The following SPATA6L variants were observed in gnomAD, a reference collection of about 807,000 sequenced individuals.
SPATA6L encodes spermatogenesis associated 6-like protein.
A neutral mutation model predicts 49.2 loss-of-function variants in SPATA6L; 68 were observed. That is an observed-to-expected ratio of 1.38 (90% CI 1.14 to 1.69). The LOEUF (loss-of-function observed/expected upper bound fraction) is 1.69, where lower values mean the gene tolerates loss of function less well. SPATA6L is among the 40% of genes most tolerant of loss of function. The pLI, the probability that SPATA6L is intolerant of heterozygous loss-of-function variation, is 0.00. For synonymous variants in SPATA6L, 198 were observed against 165.7 expected (o/e 1.19, Z -1.50); for missense variants, 668 against 464.3 (o/e 1.44, Z -4.03).
At chr9:4,605,934 G>A (rs1824730393) in intron 9 of SPATA6L, among the ~76,000 whole-genome samples, 1 of 152,312 alleles carries the variant, frequency 6.6e-6, no homozygotes, top group African/African-American at 2.4e-5. Flanking sequence ...CAGACAGTGG[G>A]CGCAGGCCAG....
intron 9 of SPATA6L, among the ~76,000 whole-genome samples, chr9:4,615,355 C>A (rs776975655): frequency 1.6e-4 from 24 of 152,148 alleles, no homozygotes; most frequent in Admixed American, 1.3e-4. Flanking sequence ...CCATTGCTGG[C>A]CTAGCAGATT....
chr9:4,597,469 G>A (rs1822374702), downstream of SPATA6L, among the ~76,000 whole-genome samples: 1 of 152,040 alleles, frequency 6.6e-6, no homozygotes, highest in South Asian at 2.1e-4. Context: ...TCATTTTGTT[G>A]AAGAAGCTCC....
Position 4,635,210 on chromosome 9 carries a change from A to G in SPATA6L, c.351+65T>C, listed in dbSNP as rs552247728. ...AGATAAAGATCAAACCCTGTCAGGA[A>G]TAAAACGTTCAGGTCCCAAGAGTTT... On this transcript the variant is annotated intron_variant, in intron 4 of 11. Transcript: ENST00000682582. 3.5e-5 allele frequency: 50 copies of G among 1,440,458 alleles called. 1 individual carries two copies. In the South Asian group the frequency reaches 7.7e-4, roughly 22 times the overall value. 89.2% of individuals were successfully genotyped at this position (1,440,458 alleles called of 1,614,324 possible).
Position 4,605,333 on chromosome 9 carries a change from T to A in SPATA6L, c.1089+14A>T, listed in dbSNP as rs777185175. On this transcript the variant is annotated intron_variant, in intron 10 of 11. Transcript: ENST00000682582. ...TTTAGTGAGCAAAGATCTAGTTTTA[T>A]AAGAAAGTCTAACCTTGTTTTGGTG... The A allele has an allele frequency of 3.7e-6, 6 of 1,602,968 alleles. No individual in the cohort carries two copies. The highest frequency in any genetic ancestry group is 4.3e-6 in the Non-Finnish European group (5 of 1,169,848).
At chr9:4,645,672 T>G (rs1835218424) in intron 3 of SPATA6L, among the ~76,000 whole-genome samples, 1 of 152,250 alleles carries the variant, frequency 6.6e-6, no homozygotes, top group Admixed American at 6.5e-5. Flanking sequence ...AAAAAGGAAT[T>G]AAAATCTGAT....
In SPATA6L at chr9:4,613,595, T is replaced by C. The variant is rs532718051; in HGVS notation, c.995+4328A>G. 1.7e-4 allele frequency among the ~76,000 whole-genome samples: 26 copies of C among 152,286 alleles called. 1 individual carries two copies. The South Asian group carries it at 5.2e-3, about 30-fold the overall frequency. ...TTTCTATTCTTCTCTAAGAACTTTT[T>C]TTTTTTGACCCAGAGTCTCATTCTG... On this transcript the variant is annotated intron_variant, in intron 9 of 11. Transcript: ENST00000682582.
At position 4,662,470 on chromosome 9, in the gene SPATA6L, G is replaced by T. The variant is rs908034218; in HGVS notation, c.40-434C>A. 5 of 1,549,272 alleles carry T rather than the reference G, an allele frequency of 3.2e-6. No homozygotes were observed. The African/African-American group carries it at 6.8e-5, about 21-fold the overall frequency. ...CCCGGCAGCCCAGCCCATGGCGGCG[G>T]TGGCGGCGGCAGCAGGTTTGAGTTC... On this transcript the variant is annotated intron_variant, in intron 1 of 11. Transcript: ENST00000682582. The surrounding 1 kb of genome is among the most constrained non-coding windows in gnomAD (Gnocchi z 4.9).
Position 4,617,952 on chromosome 9 carries a change from G to A in SPATA6L, c.966C>T (p.Gly322=). 1.2e-6 allele frequency: 2 copies of A among 1,613,854 alleles called. No homozygotes were observed. Among genetic ancestry groups the A allele is most frequent in the Non-Finnish European group, 1.7e-6 (2 of 1,179,884 alleles). ...CTCTGAGAAGGGGCTGATCCAAGGG[G>A]CCAGGAGAGGTGGAATGCTGGTAGG... ...FATYQHSTSP[G]PLDQPLLRER... The change falls in exon 9 of 12, where the codon GGC becomes GGT. Residue 322 remains glycine (G), a synonymous_variant. Coordinates refer to ENST00000682582, the MANE Select transcript of SPATA6L (RefSeq NM_001353486.2).
rs1255652543 is a variant in SPATA6L, at chr9:4,646,246, A to C, written c.226+9795T>G. ...TAGATAAAGTTATTAAAAAATGGAAAGACAAGGAGTCTGTTTAAGTTATGC... is the reference window on the plus strand; with the variant it reads ...TAGATAAAGTTATTAAAAAATGGAACGACAAGGAGTCTGTTTAAGTTATGC... On this transcript the variant is annotated intron_variant, in intron 3 of 11. Coordinates refer to ENST00000682582, the MANE Select transcript of SPATA6L (RefSeq NM_001353486.2). The C allele has an allele frequency of 1.2e-5, 4 of 321,636 alleles. No individual in the cohort carries two copies. In the Admixed American group the frequency reaches 1.9e-4, roughly 15 times the overall value. 19.9% of individuals were successfully genotyped at this position (321,636 alleles called of 1,614,324 possible). A position where few individuals can be genotyped will look rare whatever the true frequency, so the allele number is the denominator to read the frequency against.
At chr9:4,654,015 A>G (rs997835863) in intron 3 of SPATA6L, among the ~76,000 whole-genome samples, 2 of 152,190 alleles carry the variant, frequency 1.3e-5, no homozygotes, top group African/African-American at 4.8e-5. Flanking sequence ...CCCCCAAAGA[A>G]AATACACAAA....
At chr9:4,649,678 TA>T (rs1159279271) in intron 3 of SPATA6L, among the ~76,000 whole-genome samples, 1 of 152,198 alleles carries the variant, frequency 6.6e-6, no homozygotes, top group Non-Finnish European at 1.5e-5. Context: ...GGATGCTTGA[TA>T]AAATAACTAC....
chr9:4,608,779 A>C (rs1019530908), intron 9 of SPATA6L, among the ~76,000 whole-genome samples: 11 of 152,126 alleles, frequency 7.2e-5, no homozygotes, highest in African/African-American at 2.2e-4. Flanking sequence ...AGCAGAAGGC[A>C]AGAAATAACT....
chr9:4,589,470 G>T (rs1462428371), intron 13 of SPATA6L, among the ~76,000 whole-genome samples: 3 of 152,230 alleles, frequency 2.0e-5, no homozygotes, highest in Non-Finnish European at 2.9e-5. Context: ...AACCTAGTGA[G>T]ACTTCGTAAA....
intron 11 of SPATA6L, among the ~76,000 whole-genome samples, chr9:4,602,235 T>C (rs1234655355): frequency 6.6e-6 from 1 of 151,932 alleles, no homozygotes; most frequent in Non-Finnish European, 1.5e-5. Flanking sequence ...ATATTACCCA[T>C]GTTGAAATTC....
At chr9:4,633,547 C>T (rs758616097) in intron 4 of SPATA6L, 37 of 191,244 alleles carry the variant, frequency 1.9e-4, no homozygotes, top group Admixed American at 9.9e-5. Flanking sequence ...AACCAAAGCA[C>T]CCAAGATTCA....
At chr9:4,634,151 C>T (rs963223877) in intron 4 of SPATA6L, among the ~76,000 whole-genome samples, 5 of 152,210 alleles carry the variant, frequency 3.3e-5, no homozygotes, top group Non-Finnish European at 7.4e-5. Context: ...TTTGTAGATG[C>T]CTTTTCTTTA....
intron 3 of SPATA6L, among the ~76,000 whole-genome samples, chr9:4,648,999 C>T (rs1836160511): frequency 6.6e-6 from 1 of 151,900 alleles, no homozygotes; most frequent in African/African-American, 2.4e-5. Context: ...TTGCTAATGC[C>T]ATTAATTCAT....
intron 7 of SPATA6L, among the ~76,000 whole-genome samples, chr9:4,621,689 T>C (rs896950850): frequency 6.6e-6 from 1 of 152,234 alleles, no homozygotes; most frequent in Non-Finnish European, 1.5e-5. Context: ...GGTTTCTCTA[T>C]GTTGGTCAGG....
At position 4,662,592 on chromosome 9, in the gene SPATA6L, C is replaced by T. The variant is rs1212308227; in HGVS notation, c.40-556G>A. On this transcript the variant is annotated intron_variant, in intron 1 of 11. Transcript: ENST00000682582. This position sits in a 1 kb window ranked among gnomAD's most constrained non-coding sequence, Gnocchi z 4.9. ...AGTTCACCGCCGCGGCTCCTTCCCC[C>T]TGGCCGCGGCGGGCCCCTCGCAGTC... is the stretch of plus-strand genomic sequence containing the variant. 1.1e-5 allele frequency: 18 copies of T among 1,592,334 alleles called. No homozygotes were observed. Among genetic ancestry groups the T allele is most frequent in the Non-Finnish European group, 1.5e-5 (18 of 1,176,862 alleles).
Sources: allele counts gnomAD v4.1 joint callset (sites outside exome capture counted in the v4.1 genomes callset), GRCh38; gene constraint gnomAD v4.1.1; non-coding constraint Gnocchi (gnomAD v3.1); transcripts MANE v1.5; gene names NCBI Gene and HGNC (gene_info 2026-07-23, HGNC 2026-07-21).